The following KIF11 variants were observed in gnomAD, a reference collection of about 807,000 sequenced individuals.
KIF11 encodes kinesin-like protein KIF11.
In KIF11, 9 loss-of-function variants were observed where a neutral mutation model predicts 121.0. The ratio of observed to expected loss-of-function variants is 0.07; its 90% CI spans 0.04 to 0.13. The LOEUF is 0.13. Ranked by LOEUF, KIF11 falls within the 10% of genes least tolerant of loss-of-function variation. The pLI, the probability that KIF11 is intolerant of heterozygous loss-of-function variation, is 1.00. For synonymous variants in KIF11, 408 were observed against 421.0 expected, an observed-to-expected ratio of 0.97 and a Z score of 0.38; for missense variants, 846 against 1,217.5, an observed-to-expected ratio of 0.69 and a Z score of 4.54.
rs769680276 is a variant in KIF11 at position 92,606,351 on chromosome 10, G to C, written c.164G>C (p.Gly55Ala). The C allele has an allele frequency of 3.7e-5, 59 of 1,612,478 alleles. No homozygotes were observed. The highest frequency in any genetic ancestry group is 4.9e-5 in the Non-Finnish European group (58 of 1,179,604). ...CGAAAAGAAGTTAGTGTACGAACTG[G>C]AGGATTGGCTGACAAGAGCTCAAGG... ...PVRKEVSVRTGGLADKSSRKT... is the reference protein window; with the variant it reads ...PVRKEVSVRTAGLADKSSRKT... The change falls in exon 2 of 22, where the codon GGA becomes GCA. Residue 55 changes from glycine to alanine, a missense_variant. Gly to Ala is a moderately conservative substitution (Grantham distance 60). Around this residue, in one of 5 missense-constraint regions of KIF11, gnomAD observed 140 missense variants for 193.5 expected, o/e 0.72. Coordinates refer to ENST00000260731, the MANE Select transcript of KIF11 (RefSeq NM_004523.4).
intron 21 of KIF11, among the ~76,000 whole-genome samples, chr10:92,651,961 CTTTTTTT>C (rs36000362): frequency 9.8e-6 from 1 of 102,550 alleles, no homozygotes; most frequent in African/African-American, 3.6e-5. Context: ...ATGCTTGTAC[CTTTTTTT>C]TTTTTTTTTT....
At chr10:92,629,576 C>A (rs778796502) in intron 11 of KIF11, among the ~76,000 whole-genome samples, 17 of 152,044 alleles carry the variant, frequency 1.1e-4, no homozygotes, top group Non-Finnish European at 2.2e-4. Flanking sequence ...GAGGCCTGAC[C>A]TTTCAGGGCC....
chr10:92,618,082 G>A (rs1248979674), intron 9 of KIF11, among the ~76,000 whole-genome samples: 1 of 152,004 alleles, frequency 6.6e-6, no homozygotes, highest in African/African-American at 2.4e-5. Flanking sequence ...TAATGATGTT[G>A]AACATCTTTT....
chr10:92,646,240 C>G (rs1378050666), intron 18 of KIF11, among the ~76,000 whole-genome samples: 1 of 152,192 alleles, frequency 6.6e-6, no homozygotes, highest in African/African-American at 2.4e-5. Context: ...GCATGAGCCA[C>G]TGCGCCCGGC....
chr10:92,613,406 C>T lies in KIF11; in HGVS notation c.819C>T (p.Gly273=). The change falls in exon 8 of 22, where the codon GGC becomes GGT. Residue 273 remains glycine (G), a synonymous_variant. Coordinates refer to ENST00000260731, the MANE Select transcript of KIF11 (RefSeq NM_004523.4). This position sits in a 1 kb window ranked among gnomAD's most constrained non-coding sequence, Gnocchi z 4.2. ...LVDLAGSENI[G]RSGAVDKRAR... ...ATCTTGCAGGAAGTGAAAACATTGGCCGTTCTGGAGCTGTTGATAAGAGAG... is the reference window on the plus strand; with the variant it reads ...ATCTTGCAGGAAGTGAAAACATTGGTCGTTCTGGAGCTGTTGATAAGAGAG... The T allele has an allele frequency of 6.2e-7, 1 of 1,608,710 alleles. No individual in the cohort carries two copies. The highest frequency in any genetic ancestry group is 1.7e-4 in the Middle Eastern group (1 of 6,042).
chr10:92,623,707 C>CT (rs1012506082), intron 10 of KIF11, among the ~76,000 whole-genome samples: 5 of 152,012 alleles, frequency 3.3e-5, no homozygotes, highest in Non-Finnish European at 5.9e-5. Context: ...TGGAGGTGTT[C>CT]TTTTTTTGAT....
At chr10:92,632,755 G>C (rs185517879) in intron 13 of KIF11, 62 bp downstream of exon 13, 1 of 754,658 alleles carries the variant, frequency 1.3e-6, no homozygotes, top group Admixed American at 3.6e-5. Context: ...TTTCAAAACT[G>C]ATAATTTTGT....
intron 8 of KIF11, among the ~76,000 whole-genome samples, chr10:92,616,293 C>A: frequency 6.6e-6 from 1 of 151,642 alleles, no homozygotes; most frequent in East Asian, 1.9e-4. Context: ...AACCTCCTGG[C>A]CTTAAGTGAT....
chr10:92,633,517 A>G, intron 13 of KIF11, 106 bp from the exon 14 acceptor site: 1 of 767,510 alleles, frequency 1.3e-6, no homozygotes, highest in South Asian at 1.7e-5. Context: ...CGTTATTACA[A>G]ATTCTACAAC....
chr10:92,595,519 A>G (rs1333148079), intron 1 of KIF11, among the ~76,000 whole-genome samples: 1 of 151,894 alleles, frequency 6.6e-6, no homozygotes. Flanking sequence ...TCTCTTTCTT[A>G]TGTCCCTCCT....
intron 1 of KIF11, among the ~76,000 whole-genome samples, chr10:92,597,807 A>G (rs1333275070): frequency 6.6e-6 from 1 of 150,966 alleles, no homozygotes; most frequent in Non-Finnish European, 1.5e-5. Flanking sequence ...ATGCGCCACC[A>G]CGCCTGGCTA....
chr10:92,600,796 G>T (rs1314284779), intron 1 of KIF11, among the ~76,000 whole-genome samples: 1 of 151,902 alleles, frequency 6.6e-6, no homozygotes, highest in Admixed American at 6.6e-5. Context: ...CACCACGCCC[G>T]GCCAGATTTT....
chr10:92,611,431 C>T, intron 6 of KIF11, among the ~76,000 whole-genome samples: 1 of 151,480 alleles, frequency 6.6e-6, no homozygotes, highest in East Asian at 2.0e-4. Context: ...CCAGGTTGGT[C>T]TCGATCTCCT....
intron 4 of KIF11, among the ~76,000 whole-genome samples, chr10:92,608,730 C>G (rs1460766955): frequency 6.6e-6 from 1 of 152,156 alleles, no homozygotes; most frequent in African/African-American, 2.4e-5. Flanking sequence ...AGCCACCGTG[C>G]CTGGCCGAAC....
In KIF11 at chr10:92,603,806, A is replaced by T. The variant is rs529631497; in HGVS notation, c.78-2459A>T. On this transcript the variant is annotated intron_variant, in intron 1 of 21. Transcript: ENST00000260731. ...CCTGGCCTGCTTTATTTTCATTTCTAATTTATCAGCATCTAATATATTTAT... is the reference window on the plus strand; with the variant it reads ...CCTGGCCTGCTTTATTTTCATTTCTTATTTATCAGCATCTAATATATTTAT... 2.0e-5 allele frequency among the ~76,000 whole-genome samples: 3 copies of T among 152,216 alleles called. No individual in the cohort carries two copies. In the South Asian group the frequency reaches 6.2e-4, roughly 32 times the overall value.
intron 9 of KIF11, among the ~76,000 whole-genome samples, chr10:92,618,277 TG>T (rs1331989026): frequency 1.4e-5 from 1 of 72,186 alleles, no homozygotes; most frequent in Non-Finnish European, 2.3e-5. Context: ...CTTTCCTTGA[TG>T]TTTTTTTTTT....
intron 6 of KIF11, among the ~76,000 whole-genome samples, chr10:92,611,914 C>T (rs1589593144): frequency 6.6e-6 from 1 of 151,932 alleles, no homozygotes; most frequent in African/African-American, 2.4e-5. Context: ...AAAAAAGATA[C>T]TTAATTTTTT....
rs1208638640 is a variant in KIF11 at position 92,632,649 on chromosome 10, G to A, written c.1658G>A (p.Ser553Asn). The stretch of plus-strand genomic sequence containing the variant: ...ATGGAAGAATTAATTAAGGATGGCA[G>A]CTCAAAGCAAAAGGCCATGCTAGAA... ...NNMEELIKDG[S>N]SKQKAMLEVH... The change falls in exon 13 of 22, where the codon AGC becomes AAC. Residue 553 changes from serine to asparagine, a missense_variant. Transcript: ENST00000260731. The A allele has an allele frequency of 6.2e-7, 1 of 1,612,894 alleles. No individual in the cohort carries two copies. The highest frequency in any genetic ancestry group is 8.5e-7 in the Non-Finnish European group (1 of 1,179,504).
chr10:92,597,675 G>A (rs1844315032), intron 1 of KIF11, among the ~76,000 whole-genome samples: 2 of 151,462 alleles, frequency 1.3e-5, no homozygotes, highest in South Asian at 4.2e-4. Context: ...TTTTGAGACG[G>A]AATTTTGCTC....
Sources: allele counts gnomAD v4.1 joint callset (sites outside exome capture counted in the v4.1 genomes callset), GRCh38; gene constraint gnomAD v4.1.1; regional missense constraint gnomAD v4.1.1; non-coding constraint Gnocchi (gnomAD v3.1); transcripts MANE v1.5; gene names NCBI Gene and HGNC (gene_info 2026-07-23, HGNC 2026-07-21).